ATXN3: variants seen among roughly 807,000 people sequenced by gnomAD.
ATXN3 encodes the protein ataxin 3.
In ATXN3, 28 loss-of-function variants were observed where a neutral mutation model predicts 58.2. The observed-to-expected ratio is 0.48, with a 90% CI of 0.36 to 0.66. The LOEUF is 0.66. ATXN3 is among the 30% of genes least tolerant of loss of function. ATXN3 has a pLI of 0.00. For synonymous variants in ATXN3, 113 were observed against 138.5 expected (o/e 0.82, Z 1.29); for missense variants, 321 against 422.1 (o/e 0.76, Z 2.10).
chr14:92,088,358 C>G (rs1208294434), intron 6 of ATXN3, among the ~76,000 whole-genome samples: 1 of 152,174 alleles, frequency 6.6e-6, no homozygotes, highest in Non-Finnish European at 1.5e-5. Flanking sequence ...GCGTGAGCCA[C>G]CGTGCCCAGC....
Position 92,071,609 on chromosome 14 carries a change from A to C in ATXN3, c.873-556T>G, listed in dbSNP as rs116598428. 974 of 273,972 alleles carry C rather than the reference A, an allele frequency of 3.6e-3. 8 individuals are homozygous for C. Among genetic ancestry groups the C allele is most frequent in the African/African-American group, 0.02 (904 of 44,658 alleles). The allele number at this position is 273,972 out of a possible 1,614,324, so 17.0% of individuals were successfully genotyped here. A position where few individuals can be genotyped will look rare whatever the true frequency, so the allele number is the denominator to read the frequency against. ...GAGACTCTGTCTCAAAAAAACAACA[A>C]ACAAAAAACCTATCATACAAAAAGA... is the stretch of plus-strand genomic sequence containing the variant. On this transcript the variant is annotated intron_variant, in intron 9 of 10. Transcript: ENST00000644486.
At chr14:92,086,398 C>G (rs936859951) in intron 6 of ATXN3, among the ~76,000 whole-genome samples, 6 of 151,778 alleles carry the variant, frequency 4.0e-5, no homozygotes, top group African/African-American at 1.2e-4. Context: ...CCCCTTCCAT[C>G]TCTACTAAAA....
chr14:92,045,474 G>A (rs185335717), intron 2 of ATXN3, among the ~76,000 whole-genome samples: 7 of 152,272 alleles, frequency 4.6e-5, no homozygotes, highest in Non-Finnish European at 7.4e-5. Context: ...CCCAGACCAA[G>A]AGGTATTTTA....
Position 92,061,524 on chromosome 14 carries a change from C to T in ATXN3, c.*2796G>A, listed in dbSNP as rs913414395. 2.0e-5 allele frequency: 3 copies of T among 152,180 alleles called. No homozygotes were observed. The highest frequency in any genetic ancestry group is 2.0e-4 in the Admixed American group (3 of 15,278). 9.4% of individuals were successfully genotyped at this position (152,180 alleles called of 1,614,324 possible). A position where few individuals can be genotyped will look rare whatever the true frequency, so the allele number is the denominator to read the frequency against. On this transcript the variant is annotated 3_prime_UTR_variant, in exon 11 of 11. Coordinates refer to ENST00000644486, the MANE Select transcript of ATXN3 (RefSeq NM_004993.6). ...AACTTCTACTAGCATCACCACTGTA[C>T]ATACTTGATCCCAGTAATACAAATT... is the stretch of plus-strand genomic sequence containing the variant.
At chr14:92,069,317 A>G (rs4904833) in intron 10 of ATXN3, among the ~76,000 whole-genome samples, 42,979 of 149,358 alleles carry the variant, frequency 0.29, 6,552 homozygotes, top group East Asian at 0.44. Context: ...GTGATCCATC[A>G]GCCTTGGCCT....
At chr14:92,101,021 C>A (rs1043006726) in intron 1 of ATXN3, among the ~76,000 whole-genome samples, 1 of 143,406 alleles carries the variant, frequency 7.0e-6, no homozygotes, top group Admixed American at 7.4e-5. Flanking sequence ...GATTAAAATT[C>A]TCTCTATAAA....
intron 6 of ATXN3, among the ~76,000 whole-genome samples, chr14:92,084,514 A>T (rs1193826091): frequency 6.6e-6 from 1 of 152,228 alleles, no homozygotes; most frequent in East Asian, 1.9e-4. Flanking sequence ...TGCTACACAC[A>T]AAAACCAAGG....
At chr14:92,099,943 A>G (rs1003861207) in intron 1 of ATXN3, among the ~76,000 whole-genome samples, 4 of 151,398 alleles carry the variant, frequency 2.6e-5, no homozygotes, top group Non-Finnish European at 4.4e-5. Flanking sequence ...AGAAAGAAAG[A>G]AAGGAAGGAA....
At chr14:92,096,886 T>C (rs372183020) in intron 1 of ATXN3, 48 bp from the exon 2 acceptor site, 10 of 1,523,104 alleles carry the variant, frequency 6.6e-6, no homozygotes, top group Non-Finnish European at 9.1e-6. Context: ...TTAAACAGAA[T>C]TGTATAGTAT....
chr14:92,066,604 T>A (rs938134432), intron 10 of ATXN3, among the ~76,000 whole-genome samples: 1 of 71,100 alleles, frequency 1.4e-5, no homozygotes, highest in Non-Finnish European at 2.7e-5. Context: ...TTTTCTTGTT[T>A]TTTTTTTTTT....
rs1306834905 is a variant in ATXN3, at chr14:92,063,295, C to T, written c.*1025G>A. On this transcript the variant is annotated 3_prime_UTR_variant, in exon 11 of 11. Transcript: ENST00000644486. ...AAGCAGACACCTACATTCCATGACT[C>T]AACTGTAAAGAGAACACAAAGCTCC... The T allele has an allele frequency of 6.6e-6, 1 of 152,262 alleles. No homozygotes were observed. Among genetic ancestry groups the T allele is most frequent in the Non-Finnish European group, 1.5e-5 (1 of 68,016 alleles). 9.4% of individuals were successfully genotyped at this position (152,262 alleles called of 1,614,324 possible).
chr14:92,061,528 C>G lies in ATXN3; in HGVS notation c.*2792G>C, dbSNP rs2057777919. 1 of 152,166 alleles carries G rather than the reference C, an allele frequency of 6.6e-6. No individual in the cohort carries two copies. The highest frequency in any genetic ancestry group is 1.5e-5 in the Non-Finnish European group (1 of 68,024). 9.4% of individuals were successfully genotyped at this position (152,166 alleles called of 1,614,324 possible). The stretch of plus-strand genomic sequence containing the variant: ...TCTACTAGCATCACCACTGTACATA[C>G]TTGATCCCAGTAATACAAATTATAC... On this transcript the variant is annotated 3_prime_UTR_variant, in exon 11 of 11. Coordinates refer to ENST00000644486, the MANE Select transcript of ATXN3 (RefSeq NM_004993.6).
At chr14:92,071,287 T>C in intron 9 of ATXN3, 1 of 743,218 alleles carries the variant, frequency 1.3e-6, no homozygotes, top group East Asian at 2.9e-5. Context: ...AAGAGGTAGG[T>C]ATTTTCATCA....
At chr14:92,099,248 C>T (rs1000930611) in intron 1 of ATXN3, among the ~76,000 whole-genome samples, 3 of 152,154 alleles carry the variant, frequency 2.0e-5, no homozygotes, top group Admixed American at 2.0e-4. Flanking sequence ...AAGAGAACCA[C>T]CTTGCAAGAC....
chr14:92,104,094 A>G (rs2067535702), intron 1 of ATXN3, among the ~76,000 whole-genome samples: 1 of 152,228 alleles, frequency 6.6e-6, no homozygotes, highest in South Asian at 2.1e-4. Context: ...GTATTCCTGA[A>G]GTATCTGTAG....
At chr14:92,068,803 C>T (rs1274033275) in intron 10 of ATXN3, among the ~76,000 whole-genome samples, 8 of 151,996 alleles carry the variant, frequency 5.3e-5, no homozygotes, top group Non-Finnish European at 8.8e-5. Flanking sequence ...TTGGTCAGAC[C>T]GGTCTTGAAC....
upstream of ATXN3, among the ~76,000 whole-genome samples, chr14:92,053,077 C>T (rs1374391467): frequency 6.6e-6 from 1 of 152,084 alleles, no homozygotes; most frequent in Non-Finnish European, 1.5e-5. Context: ...CATAGTGAAA[C>T]CCCGTCTCTA....
intron 9 of ATXN3, among the ~76,000 whole-genome samples, chr14:92,074,200 G>A (rs1229135169): frequency 6.7e-6 from 1 of 148,196 alleles, no homozygotes; most frequent in Non-Finnish European, 1.5e-5. Flanking sequence ...AGTGGCGGGT[G>A]CCTGTAATCC....
At chr14:92,078,226 C>T (rs1013403493) in intron 9 of ATXN3, among the ~76,000 whole-genome samples, 4 of 151,944 alleles carry the variant, frequency 2.6e-5, no homozygotes, top group African/African-American at 7.3e-5. Context: ...TCAGGTGATC[C>T]GCCCACCTCA....
Sources: gnomAD v4.1 joint callset for allele counts (sites outside exome capture counted in the v4.1 genomes callset) on GRCh38, gnomAD v4.1.1 for gene constraint, MANE v1.5 for transcripts, NCBI Gene and HGNC (gene_info 2026-07-23, HGNC 2026-07-21) for gene names.